Variants in ASXL2 observed in about 807,000 individuals in gnomAD.
The protein encoded by ASXL2 is putative Polycomb group protein ASXL2.
Under a neutral mutation model 122.0 loss-of-function variants are expected in ASXL2, and 23 were observed. That is an observed-to-expected ratio of 0.19 (90% CI 0.14 to 0.27). The LOEUF (loss-of-function observed/expected upper bound fraction) is 0.27, where lower values mean the gene tolerates loss of function less well. Ranked by LOEUF, ASXL2 falls within the 10% of genes least tolerant of loss-of-function variation. ASXL2 has a pLI of 1.00. For synonymous variants in ASXL2, 650 were observed against 637.0 expected (o/e 1.02, Z -0.31); for missense variants, 1,518 against 1,713.8 (o/e 0.89, Z 2.02).
chr2:25,800,916 T>C (rs2088989334), intron 4 of ASXL2, among the ~76,000 whole-genome samples: 1 of 152,086 alleles, frequency 6.6e-6, no homozygotes, highest in Non-Finnish European at 1.5e-5. Flanking sequence ...AACACACTAG[T>C]GAGTGTTTGT....
At position 25,840,168 on chromosome 2, in the gene ASXL2, A is replaced by C. The variant is rs114065176; in HGVS notation, c.141-4628T>G. Among the ~76,000 whole-genome samples, 366 of 152,332 alleles carry C rather than the reference A, an allele frequency of 2.4e-3. 2 individuals are homozygous for C. The highest frequency in any genetic ancestry group is 8.4e-3 in the African/African-American group (349 of 41,586). On this transcript the variant is annotated intron_variant, in intron 2 of 12. Transcript: ENST00000435504. ...AATGCTGCTATGCTTTATAGTTATA[A>C]ACAGGCATTTAATTTAAATATTGTA...
chr2:25,759,711 T>C, intron 8 of ASXL2, 66 bp from the exon 9 acceptor site: 2 of 1,498,042 alleles, frequency 1.3e-6, no homozygotes, highest in South Asian at 1.3e-5. Flanking sequence ...AAACTGTAGC[T>C]TTCTGTGCAG....
intron 1 of ASXL2, among the ~76,000 whole-genome samples, chr2:25,870,409 G>A (rs1385532312): frequency 6.6e-6 from 1 of 152,126 alleles, no homozygotes; most frequent in Non-Finnish European, 1.5e-5. Flanking sequence ...TGTAGTCCCA[G>A]CTACTCGGGA....
intron 2 of ASXL2, among the ~76,000 whole-genome samples, chr2:25,842,452 TTTTG>T (rs1298727731): frequency 2.0e-5 from 3 of 152,188 alleles, no homozygotes; most frequent in Non-Finnish European, 4.4e-5. Flanking sequence ...TTCCTGCTGT[TTTTG>T]TTTGTTTTTA....
At chr2:25,844,623 C>T (rs2089628778) in intron 2 of ASXL2, among the ~76,000 whole-genome samples, 1 of 150,842 alleles carries the variant, frequency 6.6e-6, no homozygotes. Context: ...AACACACACA[C>T]ACATTGACTA....
chr2:25,854,433 T>C (rs1250314580), intron 1 of ASXL2, among the ~76,000 whole-genome samples: 1 of 152,204 alleles, frequency 6.6e-6, no homozygotes, highest in Non-Finnish European at 1.5e-5. Context: ...ATTAAATAAC[T>C]TGCCTAAGGT....
At chr2:25,805,510 A>C (rs1035908632) in intron 4 of ASXL2, among the ~76,000 whole-genome samples, 1 of 151,916 alleles carries the variant, frequency 6.6e-6, no homozygotes, top group African/African-American at 2.4e-5. Flanking sequence ...CAGCAATAAA[A>C]AATTATTAAA....
At chr2:25,770,452 A>G (rs2088428234) in intron 6 of ASXL2, among the ~76,000 whole-genome samples, 3 of 152,166 alleles carry the variant, frequency 2.0e-5, no homozygotes. Context: ...AGTTATGTAC[A>G]GTGTAATATT....
chr2:25,820,136 G>C (rs1284326543), intron 3 of ASXL2, among the ~76,000 whole-genome samples: 1 of 152,042 alleles, frequency 6.6e-6, no homozygotes, highest in Non-Finnish European at 1.5e-5. Context: ...GGTTGGTCTT[G>C]AACTCCTGCA....
Position 25,771,435 on chromosome 2 carries a change from C to A in ASXL2, c.504+5G>T. On this transcript the variant is annotated splice_donor_5th_base_variant and intron_variant, in intron 6 of 12. Coordinates refer to ENST00000435504, the MANE Select transcript of ASXL2 (RefSeq NM_018263.6). Reference sequence around the variant, plus strand: ...ACTTGATAAATACAGACTAGCAATGCTTACCTGCTTTAGTGCCTTCTTGCT... The same window carrying A: ...ACTTGATAAATACAGACTAGCAATGATTACCTGCTTTAGTGCCTTCTTGCT... 1.2e-6 allele frequency: 2 copies of A among 1,606,408 alleles called. No homozygotes were observed. Among genetic ancestry groups the A allele is most frequent in the Non-Finnish European group, 1.7e-6 (2 of 1,173,834 alleles).
At position 25,811,459 on chromosome 2, in the gene ASXL2, C is replaced by T. The variant is rs559378050; in HGVS notation, c.144-5122G>A. 4.4e-4 allele frequency among the ~76,000 whole-genome samples: 67 copies of T among 151,662 alleles called. 2 individuals carry two copies. The South Asian group carries it at 5.6e-3, about 13-fold the overall frequency. The stretch of plus-strand genomic sequence containing the variant: ...CTAGAATAATTAACTGCAAAACATA[C>T]GGCAGACAAAAGATTAATAGTCCTA... On this transcript the variant is annotated intron_variant, in intron 3 of 12. Coordinates refer to ENST00000435504, the MANE Select transcript of ASXL2 (RefSeq NM_018263.6).
At chr2:25,853,869 C>A (rs62127724) in intron 1 of ASXL2, among the ~76,000 whole-genome samples, 22,705 of 151,732 alleles carry the variant, frequency 0.15, 2,157 homozygotes, top group Non-Finnish European at 0.22. Flanking sequence ...TAATGGTTGG[C>A]TGATGGAATT....
chr2:25,782,549 A>AAAAAC (rs769370248), intron 5 of ASXL2, among the ~76,000 whole-genome samples: 41 of 152,248 alleles, frequency 2.7e-4, no homozygotes, highest in Admixed American at 2.2e-3. Flanking sequence ...CCATCTCAGA[A>AAAAAC]AAAACAAAAC....
At chr2:25,746,602 T>G (rs544712372) in intron 12 of ASXL2, among the ~76,000 whole-genome samples, 13 of 152,132 alleles carry the variant, frequency 8.5e-5, no homozygotes, top group African/African-American at 3.1e-4. Flanking sequence ...AGAATACTCG[T>G]GAGAGTAACT....
At chr2:25,811,429 T>A (rs2089169183) in intron 3 of ASXL2, among the ~76,000 whole-genome samples, 1 of 151,826 alleles carries the variant, frequency 6.6e-6, no homozygotes, top group Non-Finnish European at 1.5e-5. Context: ...AGAAAATATA[T>A]GAAGCTAGAA....
rs2087836134 is a variant in ASXL2 at position 25,741,991 on chromosome 2, C to T, written c.*38G>A. On this transcript the variant is annotated 3_prime_UTR_variant, in exon 13 of 13. Coordinates refer to ENST00000435504, the MANE Select transcript of ASXL2 (RefSeq NM_018263.6). Reference sequence around the variant, plus strand: ...AAAAACCCAACTGGTCAACCCTTCCCTTCCCCCTCCTTTACAGTGTATCTC... The same window carrying T: ...AAAAACCCAACTGGTCAACCCTTCCTTTCCCCCTCCTTTACAGTGTATCTC... 8 of 1,560,284 alleles carry T rather than the reference C, an allele frequency of 5.1e-6. No individual in the cohort carries two copies. The highest frequency in any genetic ancestry group is 1.2e-5 in the South Asian group (1 of 84,334).
In ASXL2 at chr2:25,741,119, C is replaced by T. The variant is rs545335479; in HGVS notation, c.*910G>A. 138 of 203,478 alleles carry T rather than the reference C, an allele frequency of 6.8e-4. No individual in the cohort carries two copies. The highest frequency in any genetic ancestry group is 1.1e-3 in the Admixed American group (19 of 16,706). 12.6% of individuals were successfully genotyped at this position (203,478 alleles called of 1,614,324 possible). A position where few individuals can be genotyped will look rare whatever the true frequency, so the allele number is the denominator to read the frequency against. ...CTCAACAAGATGTAGCTCAAATCAC[C>T]CAATCACTAACACTTTCCTGTTCAT... On this transcript the variant is annotated 3_prime_UTR_variant, in exon 13 of 13. Transcript: ENST00000435504.
At chr2:25,757,607 G>T (rs776243264) in intron 9 of ASXL2, among the ~76,000 whole-genome samples, 6 of 145,110 alleles carry the variant, frequency 4.1e-5, no homozygotes, top group Admixed American at 7.0e-5. Context: ...CCCAGGAGGC[G>T]GAGGTTGCAG....
chr2:25,864,889 T>C (rs2089882597), intron 1 of ASXL2, among the ~76,000 whole-genome samples: 2 of 151,652 alleles, frequency 1.3e-5, no homozygotes, highest in South Asian at 2.1e-4. Context: ...TGCAGTACAA[T>C]AGCGCGATCT....
Sources: allele counts gnomAD v4.1 joint callset (sites outside exome capture counted in the v4.1 genomes callset), GRCh38; gene constraint gnomAD v4.1.1; transcripts MANE v1.5; gene names NCBI Gene and HGNC (gene_info 2026-07-23, HGNC 2026-07-21).